RMST: variants seen among roughly 807,000 people sequenced by gnomAD.
The protein encoded by RMST is rhabdomyosarcoma 2 associated transcript.
chr12:97,562,469 G>A (rs545090744), intron 13 of RMST, among the ~76,000 whole-genome samples: 1 of 152,250 alleles, frequency 6.6e-6, no homozygotes, highest in South Asian at 2.1e-4. Context: ...GGGGTTGGGA[G>A]GGTAGCTGGT....
At chr12:97,513,020 C>G (rs1312810373) in intron 10 of RMST, among the ~76,000 whole-genome samples, 2 of 152,346 alleles carry the variant, frequency 1.3e-5, no homozygotes, top group Middle Eastern at 6.8e-3. Flanking sequence ...GCCTGCCGGC[C>G]GGCCGCTCCA....
chr12:97,551,976 G>T, intron 11 of RMST: 1 of 152,104 alleles, frequency 6.6e-6, no homozygotes, highest in Non-Finnish European at 1.5e-5. Context: ...TTGGATGAAC[G>T]ATTAAAATGA....
chr12:97,489,861 T>C (rs1876562401), intron 5 of RMST, among the ~76,000 whole-genome samples: 1 of 152,222 alleles, frequency 6.6e-6, no homozygotes, highest in South Asian at 2.1e-4. Flanking sequence ...AATCCTAAAC[T>C]GTAGTACTAT....
chr12:97,554,939 T>C lies in RMST; in HGVS notation n.1546-5598T>C, dbSNP rs75254529. Among the ~76,000 whole-genome samples the C allele has an allele frequency of 1.1e-3, 168 of 152,318 alleles. 1 individual carries two copies. Among genetic ancestry groups the C allele is most frequent in the African/African-American group, 3.8e-3 (160 of 41,570 alleles). ...GGCATGTGATATGAAAGCAGGCAGC[T>C]GGGTCTCAGGGCCATTGAAAAGTTA... On this transcript the variant is annotated intron_variant and non_coding_transcript_variant, in intron 11 of 13. Coordinates refer to ENST00000640149, the Ensembl canonical transcript of RMST.
intron 10 of RMST, among the ~76,000 whole-genome samples, chr12:97,519,561 G>A (rs553690191): frequency 5.3e-5 from 8 of 152,238 alleles, no homozygotes; most frequent in African/African-American, 1.4e-4. Context: ...TTCCACAATC[G>A]TATAATTTTT....
chr12:97,561,658 T>G (rs1372151309), intron 13 of RMST, among the ~76,000 whole-genome samples: 4 of 116,770 alleles, frequency 3.4e-5, no homozygotes, highest in Admixed American at 1.8e-4. Context: ...TTTTTTTTTT[T>G]GTGCCTGGTT....
intron 5 of RMST, among the ~76,000 whole-genome samples, chr12:97,485,629 T>G (rs1269078579): frequency 1.3e-5 from 2 of 152,210 alleles, no homozygotes; most frequent in Non-Finnish European, 2.9e-5. Context: ...CATACATTAT[T>G]TTATTTATTA....
intron 5 of RMST, among the ~76,000 whole-genome samples, chr12:97,467,536 A>G (rs1339704236): frequency 2.0e-5 from 3 of 152,042 alleles, no homozygotes; most frequent in African/African-American, 7.2e-5. Flanking sequence ...CCATTAGTGT[A>G]ATTTTTTAGA....
At chr12:97,531,488 A>C (rs1437260698) in intron 11 of RMST, among the ~76,000 whole-genome samples, 1 of 151,976 alleles carries the variant, frequency 6.6e-6, no homozygotes, top group Non-Finnish European at 1.5e-5. Flanking sequence ...TGCTTGATTG[A>C]ATATTTAAGA....
intron 10 of RMST, among the ~76,000 whole-genome samples, chr12:97,525,489 G>T (rs778807488): frequency 1.8e-4 from 28 of 152,120 alleles, no homozygotes; most frequent in Non-Finnish European, 1.5e-5. Flanking sequence ...ATTTGTTCCT[G>T]GTTTAAAAGG....
intron 11 of RMST, among the ~76,000 whole-genome samples, chr12:97,556,141 A>C (rs1383109818): frequency 1.3e-5 from 2 of 152,164 alleles, no homozygotes; most frequent in African/African-American, 4.8e-5. Flanking sequence ...TTAGCTTTTA[A>C]ATTTCATCCC....
At chr12:97,563,977 A>C in intron 13 of RMST, 1 of 454,500 alleles carries the variant, frequency 2.2e-6, no homozygotes, top group South Asian at 1.6e-5. Context: ...TGATGGAGAC[A>C]AGATTTAGTG....
chr12:97,513,198 C>T (rs1879595822), intron 10 of RMST, among the ~76,000 whole-genome samples: 2 of 152,218 alleles, frequency 1.3e-5, no homozygotes, highest in East Asian at 3.9e-4. Flanking sequence ...AGTGCAGTGG[C>T]AGGCTGAAGG....
chr12:97,538,931 C>T (rs1282537441), intron 11 of RMST, among the ~76,000 whole-genome samples: 1 of 151,338 alleles, frequency 6.6e-6, no homozygotes, highest in Admixed American at 6.6e-5. Context: ...TGTTGACATA[C>T]TGTTAACTGG....
intron 5 of RMST, chr12:97,491,598 G>A: frequency 4.9e-6 from 1 of 204,036 alleles, no homozygotes; most frequent in East Asian, 9.1e-5. Context: ...GACCAGTTGG[G>A]AAGAGGTATT....
chr12:97,474,116 C>T (rs1874247226), intron 5 of RMST, among the ~76,000 whole-genome samples: 1 of 151,976 alleles, frequency 6.6e-6, no homozygotes, highest in African/African-American at 2.4e-5. Context: ...TTATTGGGGG[C>T]AGGGGGAGGA....
intron 5 of RMST, among the ~76,000 whole-genome samples, chr12:97,482,248 T>A (rs1185181690): frequency 6.6e-6 from 1 of 152,202 alleles, no homozygotes; most frequent in Non-Finnish European, 1.5e-5. Flanking sequence ...AGCATTTTAG[T>A]TTTTGTGGAG....
chr12:97,512,408 C>T (rs1879461420), intron 10 of RMST, among the ~76,000 whole-genome samples: 2 of 152,306 alleles, frequency 1.3e-5, no homozygotes, highest in Middle Eastern at 3.4e-3. Flanking sequence ...CGGCAGCCTG[C>T]TTTTATTCTC....
chr12:97,512,723 C>G (rs1395436793), intron 10 of RMST, among the ~76,000 whole-genome samples: 1 of 152,210 alleles, frequency 6.6e-6, no homozygotes, highest in Non-Finnish European at 1.5e-5. Context: ...GCGGGCTTTA[C>G]CCAGTGGATC....
Sources: gnomAD v4.1 joint callset for allele counts (sites outside exome capture counted in the v4.1 genomes callset) on GRCh38, gnomAD v4.1.1 for gene constraint, MANE v1.5 for transcripts, NCBI Gene and HGNC (gene_info 2026-07-23, HGNC 2026-07-21) for gene names.